Variants in ATAT1 observed in about 807,000 individuals in gnomAD.
The protein encoded by ATAT1 is alpha tubulin acetyltransferase 1, also known as alpha-tubulin N-acetyltransferase 1.
In ATAT1, 42 loss-of-function variants were observed where a neutral mutation model predicts 57.2. The ratio of observed to expected loss-of-function variants is 0.73; its 90% CI spans 0.57 to 0.95. ATAT1 has a LOEUF of 0.95. ATAT1 is among the 40% of genes least tolerant of loss of function. The pLI, the probability that ATAT1 is intolerant of heterozygous loss-of-function variation, is 0.00. For synonymous variants in ATAT1, 168 were observed against 187.1 expected (o/e 0.90, Z 0.83); for missense variants, 454 against 523.7 (o/e 0.87, Z 1.30).
intron 5 of ATAT1, 83 bp downstream of exon 5, chr6:30,628,228 C>G: frequency 2.0e-6 from 3 of 1,525,178 alleles, no homozygotes; most frequent in Non-Finnish European, 2.7e-6. Flanking sequence ...CTCCCACCCC[C>G]CATGTTCCCA....
intron 6 of ATAT1, among the ~76,000 whole-genome samples, chr6:30,640,074 G>A (rs1765079776): frequency 6.6e-6 from 1 of 151,750 alleles, no homozygotes; most frequent in Non-Finnish European, 1.5e-5. Flanking sequence ...CCAGGTTGAT[G>A]CTGCAGTGAG....
Position 30,646,684 on chromosome 6 carries a change from TCACTA to T in ATAT1, c.*44_*48del. On this transcript the variant is annotated 3_prime_UTR_variant, in exon 13 of 13. Coordinates refer to ENST00000330083, the MANE Select transcript of ATAT1 (RefSeq NM_001031722.4). ...ACATCTTCAAAGTATTATTTCTCCC[TCACTA>T]CAGGAAAGAGCCAAAGCCCAACCCT... 1 of 1,500,418 alleles carries T rather than the reference TCACTA, an allele frequency of 6.7e-7. No individual in the cohort carries two copies. The highest frequency in any genetic ancestry group is 8.9e-7 in the Non-Finnish European group (1 of 1,117,986). The allele number at this position is 1,500,418 out of a possible 1,614,324, so 92.9% of individuals were successfully genotyped here.
At position 30,646,633 on chromosome 6, in the gene ATAT1, G is replaced by A. The variant is rs763055787; in HGVS notation, c.1220G>A (p.Arg407Lys). The A allele has an allele frequency of 6.4e-7, 1 of 1,562,310 alleles. No homozygotes were observed. Among genetic ancestry groups the A allele is most frequent in the South Asian group, 1.2e-5 (1 of 84,848 alleles). The change falls in exon 13 of 13, where the codon AGG (arginine) becomes AAG (lysine). Residue 407 changes from arginine to lysine, a missense_variant. This residue lies in a region of ATAT1 where 216 missense variants were observed against 222.2 expected (regional missense o/e 0.97). Transcript: ENST00000330083. ...AACCTGCAGGAACGTCGCAGCACCA[G>A]GCCTTGGTGACCGCAGCCCCGTCAA...
intron 6 of ATAT1, among the ~76,000 whole-genome samples, chr6:30,629,573 G>A (rs1337229592): frequency 7.0e-6 from 1 of 142,506 alleles, no homozygotes; most frequent in Non-Finnish European, 1.5e-5. Context: ...TTGAGACAGA[G>A]TCGCTCTGTC....
At position 30,642,658 on chromosome 6, in the gene ATAT1, A is replaced by G. The variant is rs549964135; in HGVS notation, c.689-110A>G. 215 of 799,784 alleles carry G rather than the reference A, an allele frequency of 2.7e-4. No individual in the cohort carries two copies. The South Asian group carries it at 3.3e-3, about 12-fold the overall frequency. The allele number at this position is 799,784 out of a possible 1,614,324, so 49.5% of individuals were successfully genotyped here. On this transcript the variant is annotated intron_variant, in intron 9 of 12. Transcript: ENST00000330083. ...ACTCCGTCTCAAAAAAGAAAAAAAA[A>G]AAAAAGAAAGACTCAGATTTCTCTT... is the stretch of plus-strand genomic sequence containing the variant.
At chr6:30,635,145 G>A (rs957727843) in intron 6 of ATAT1, among the ~76,000 whole-genome samples, 2 of 152,176 alleles carry the variant, frequency 1.3e-5, no homozygotes, top group African/African-American at 4.8e-5. Flanking sequence ...TCTATGAAAT[G>A]GCTGCTTATT....
intron 8 of ATAT1, chr6:30,641,891 G>A: frequency 8.0e-7 from 1 of 1,245,272 alleles, no homozygotes; most frequent in African/African-American, 1.5e-5. Context: ...ACTTCCCTTG[G>A]CTGCCCTTCT....
chr6:30,643,761 C>G, intron 10 of ATAT1: 2 of 1,362,070 alleles, frequency 1.5e-6, no homozygotes, highest in East Asian at 2.6e-5. Context: ...TTTCTTAACA[C>G]AAAAGCACCC....
At chr6:30,644,398 C>T in intron 10 of ATAT1, 3 of 985,828 alleles carry the variant, frequency 3.0e-6, no homozygotes, top group Non-Finnish European at 3.6e-6. Flanking sequence ...GATGGGGGAC[C>T]ACTCTTCCTC....
chr6:30,643,480 CCCG>C, intron 10 of ATAT1: 1 of 1,549,714 alleles, frequency 6.5e-7, no homozygotes, highest in Non-Finnish European at 8.7e-7. Flanking sequence ...TCCCCCGCCC[CCCG>C]CCATTTCCCA....
intron 6 of ATAT1, among the ~76,000 whole-genome samples, chr6:30,638,622 G>T (rs1045835359): frequency 2.0e-5 from 3 of 150,590 alleles, no homozygotes; most frequent in Non-Finnish European, 4.4e-5. Context: ...CGCCCAGGCT[G>T]GAGTGCAGTG....
intron 6 of ATAT1, among the ~76,000 whole-genome samples, chr6:30,635,742 G>A (rs9262130): frequency 0.067 from 10,255 of 152,286 alleles, 542 homozygotes; most frequent in Non-Finnish European, 0.11. Context: ...ATTTATCTGC[G>A]TTAGGCCATT....
chr6:30,633,827 A>C (rs1763424713), intron 6 of ATAT1: 1 of 172,528 alleles, frequency 5.8e-6, no homozygotes, highest in Non-Finnish European at 1.4e-5. Flanking sequence ...AAGGAAGAGG[A>C]AGGTGATGGT....
chr6:30,629,631 G>A (rs1247164835), intron 6 of ATAT1, among the ~76,000 whole-genome samples: 4 of 151,958 alleles, frequency 2.6e-5, no homozygotes, highest in South Asian at 4.2e-4. Context: ...TGCAAGCTCC[G>A]CCTCCCAGGT....
At chr6:30,643,890 A>C in intron 10 of ATAT1, 1 of 1,240,850 alleles carries the variant, frequency 8.1e-7, no homozygotes, top group South Asian at 2.9e-5. Context: ...CTTGCTGTCA[A>C]ACTTTAGACC....
rs771581919 is a variant in ATAT1, at chr6:30,640,574, G to C, written c.587G>C (p.Arg196Pro). Reference sequence around the variant, plus strand: ...TCTCTGAGGGCAACTCGACACTCTCGTGCTGCTGCAGTCGATCCCACGCCC... The same window carrying C: ...TCTCTGAGGGCAACTCGACACTCTCCTGCTGCTGCAGTCGATCCCACGCCC... The change falls in exon 8 of 13, where the codon CGT becomes CCT. Residue 196 changes from arginine (R) to proline (P), a missense_variant. Arg to Pro is a moderately radical substitution (Grantham distance 103). This residue lies in a region of ATAT1 where 236 missense variants were observed against 284.5 expected (regional missense o/e 0.83). Transcript: ENST00000330083. 6.2e-7 allele frequency: 1 copy of C among 1,612,958 alleles called. No homozygotes were observed. Among genetic ancestry groups the C allele is most frequent in the Non-Finnish European group, 8.5e-7 (1 of 1,180,020 alleles).
At chr6:30,645,791 T>G (rs1766616956) in intron 10 of ATAT1, 104 bp from the exon 11 acceptor site, 1 of 798,538 alleles carries the variant, frequency 1.3e-6, no homozygotes, top group South Asian at 2.6e-5. Flanking sequence ...CCCCCTTCTC[T>G]TTGTTCCTGT....
At chr6:30,644,659 A>C in intron 10 of ATAT1, 3 of 982,632 alleles carry the variant, frequency 3.1e-6, no homozygotes, top group Non-Finnish European at 3.6e-6. Context: ...TTCAATGAAA[A>C]AAAGAATCAC....
At chr6:30,640,843 C>T (rs1314917974) in intron 8 of ATAT1, 1 of 585,192 alleles carries the variant, frequency 1.7e-6, no homozygotes, top group Non-Finnish European at 3.0e-6. Flanking sequence ...AATGGACCCT[C>T]TTGCCAGTTC....
Sources: gnomAD v4.1 joint callset for allele counts (sites outside exome capture counted in the v4.1 genomes callset) on GRCh38, gnomAD v4.1.1 for gene constraint, gnomAD v4.1.1 regional missense constraint, MANE v1.5 for transcripts, NCBI Gene and HGNC (gene_info 2026-07-23, HGNC 2026-07-21) for gene names.